The following APBB1 variants were observed in gnomAD, a reference collection of about 807,000 sequenced individuals.
APBB1 encodes amyloid beta precursor protein binding family B member 1, also known as adaptor protein FE65a2.
Under a neutral mutation model 78.4 loss-of-function variants are expected in APBB1, and 22 were observed. The observed-to-expected ratio is 0.28, with a 90% confidence interval of 0.20 to 0.40. APBB1 has a LOEUF of 0.40. Ranked by LOEUF, APBB1 falls within the 10% of genes least tolerant of loss-of-function variation. The pLI, the probability that APBB1 is intolerant of heterozygous loss-of-function variation, is 1.00. For synonymous variants in APBB1, 369 were observed against 372.7 expected (o/e 0.99, Z 0.12); for missense variants, 749 against 932.4 (o/e 0.80, Z 2.56).
intron 1 of APBB1, among the ~76,000 whole-genome samples, chr11:6,412,926 C>T (rs1427504947): frequency 1.3e-5 from 2 of 152,112 alleles, no homozygotes; most frequent in Non-Finnish European, 2.9e-5. Flanking sequence ...ACCCCTCCCT[C>T]TGCCTCCTCA....
chr11:6,412,783 G>A (rs1468261044), intron 1 of APBB1, among the ~76,000 whole-genome samples: 1 of 152,054 alleles, frequency 6.6e-6, no homozygotes, highest in Non-Finnish European at 1.5e-5. Flanking sequence ...TCCAGGCTTC[G>A]CTTTGGCATC....
intron 1 of APBB1, among the ~76,000 whole-genome samples, chr11:6,417,110 T>C (rs1849139067): frequency 6.6e-6 from 1 of 152,232 alleles, no homozygotes; most frequent in Non-Finnish European, 1.5e-5. Flanking sequence ...TCCTCCTCCC[T>C]GCCCCTGGCT....
chr11:6,414,227 A>T (rs962825144), intron 1 of APBB1, among the ~76,000 whole-genome samples: 1 of 152,256 alleles, frequency 6.6e-6, no homozygotes, highest in Admixed American at 6.5e-5. Context: ...GTCTTTGTTT[A>T]TACTGCTCCC....
In APBB1 at chr11:6,411,190, G is replaced by A. The variant is rs1848955998; in HGVS notation, c.158C>T (p.Ala53Val). 1 of 1,607,718 alleles carries A rather than the reference G, an allele frequency of 6.2e-7. No homozygotes were observed. Among genetic ancestry groups the A allele is most frequent in the African/African-American group, 1.3e-5 (1 of 74,916 alleles). ...CTCAGGCCCACCACCCTCCCCCATGGCGCTGCGCAGGTCCTTGGGTCCCAC... is the reference window on the plus strand; with the variant it reads ...CTCAGGCCCACCACCCTCCCCCATGACGCTGCGCAGGTCCTTGGGTCCCAC... ...TAVGPKDLRS[A>V]MGEGGGPEPG... Residue 53 changes from alanine (A) to valine (V), a missense_variant, in exon 2 of 15, where the codon GCC becomes GTC. Ala to Val is a moderately conservative substitution (Grantham distance 64). Transcript: ENST00000609360. The surrounding 1 kb of genome is among the most constrained non-coding windows in gnomAD (Gnocchi z 5.2).
chr11:6,416,903 G>T (rs1296265203), intron 1 of APBB1, among the ~76,000 whole-genome samples: 1 of 152,052 alleles, frequency 6.6e-6, no homozygotes, highest in African/African-American at 2.4e-5. Flanking sequence ...CACCATGCCC[G>T]GCTAATTTTT....
chr11:6,402,231 C>A, intron 7 of APBB1, 22 bp from the exon 8 acceptor site: 1 of 1,611,368 alleles, frequency 6.2e-7, no homozygotes, highest in South Asian at 1.1e-5. Flanking sequence ...GAAGCAGGCA[C>A]TCAGTGGGAC....
Position 6,419,094 on chromosome 11 carries a change from C to A in APBB1, c.-124G>T, listed in dbSNP as rs1849195186. On this transcript the variant is annotated 5_prime_UTR_variant, in exon 1 of 15. Transcript: ENST00000609360. ...ATCCCCCGCCCAGGAGCGCGCGGGC[C>A]GCGGGGCCGCGCCCCGAGCGGCGGA... is the stretch of plus-strand genomic sequence containing the variant. The A allele has an allele frequency of 2.6e-6, 1 of 382,366 alleles. No individual in the cohort carries two copies. The highest frequency in any genetic ancestry group is 4.6e-6 in the Non-Finnish European group (1 of 215,672). The allele number at this position is 382,366 out of a possible 1,614,324, so 23.7% of individuals were successfully genotyped here. A position where few individuals can be genotyped will look rare whatever the true frequency, so the allele number is the denominator to read the frequency against.
At position 6,411,001 on chromosome 11, in the gene APBB1, A is replaced by T; in HGVS notation, c.347T>A (p.Leu116Gln). ...AGCTGAGAGCTCCAGCTCAGAGTAC[A>T]GGTGTATCAGGCCTTTGGGGCCCAA... ...APLGPKGLIH[L>Q]YSELELSAHN... is the part of the protein sequence containing the mutation. Residue 116 changes from leucine to glutamine, a missense_variant, in exon 2 of 15, where the codon CTG becomes CAG. Around this residue, in one of 3 missense-constraint regions of APBB1, gnomAD observed 635 missense variants for 765.0 expected, o/e 0.83. Transcript: ENST00000609360. The surrounding 1 kb of genome is among the most constrained non-coding windows in gnomAD (Gnocchi z 5.2). 1 of 1,614,104 alleles carries T rather than the reference A, an allele frequency of 6.2e-7. No homozygotes were observed. The highest frequency in any genetic ancestry group is 2.2e-5 in the East Asian group (1 of 44,870).
chr11:6,404,665 A>G, intron 2 of APBB1: 1 of 1,536,268 alleles, frequency 6.5e-7, no homozygotes, highest in Non-Finnish European at 8.7e-7. Flanking sequence ...CCAACCCTGT[A>G]ACCCGCTCAT....
At chr11:6,413,577 T>A (rs1253031864) in intron 1 of APBB1, among the ~76,000 whole-genome samples, 1 of 151,860 alleles carries the variant, frequency 6.6e-6, no homozygotes, top group Non-Finnish European at 1.5e-5. Context: ...TGCAGCCTCC[T>A]GAGTAGCTGG....
chr11:6,401,875 T>C lies in APBB1; in HGVS notation c.1388+102A>G. 2.0e-6 allele frequency: 3 copies of C among 1,497,404 alleles called. No individual in the cohort carries two copies. Among genetic ancestry groups the C allele is most frequent in the Admixed American group, 3.7e-5 (2 of 53,506 alleles). 92.8% of individuals were successfully genotyped at this position (1,497,404 alleles called of 1,614,324 possible). On this transcript the variant is annotated intron_variant, in intron 9 of 14. Transcript: ENST00000609360. The surrounding 1 kb of genome is among the most constrained non-coding windows in gnomAD (Gnocchi z 4.5). ...GCAAGCATGCTGAGGTGGAGGGTAATGGTGGAGCATAGCGGGTGGGAAGGG... is the reference window on the plus strand; with the variant it reads ...GCAAGCATGCTGAGGTGGAGGGTAACGGTGGAGCATAGCGGGTGGGAAGGG...
rs192245319 is a variant in APBB1 at position 6,400,837 on chromosome 11, G to C, written c.1672+152C>G. ...TAGGCAGGACAGGAAATAGAGCTAG[G>C]ACAGAAGTATGGGGAGGTGGGATGC... On this transcript the variant is annotated intron_variant, in intron 12 of 14. Coordinates refer to ENST00000609360, the MANE Select transcript of APBB1 (RefSeq NM_001164.5). 4.0e-5 allele frequency: 31 copies of C among 771,884 alleles called. No individual in the cohort carries two copies. In the East Asian group the frequency reaches 7.3e-4, roughly 18 times the overall value. 47.8% of individuals were successfully genotyped at this position (771,884 alleles called of 1,614,324 possible). A position where few individuals can be genotyped will look rare whatever the true frequency, so the allele number is the denominator to read the frequency against.
In APBB1 at chr11:6,411,841, A is replaced by G. The variant is rs1262646752; in HGVS notation, c.-14-480T>C. On this transcript the variant is annotated intron_variant, in intron 1 of 14. Transcript: ENST00000609360. This position sits in a 1 kb window ranked among gnomAD's most constrained non-coding sequence, Gnocchi z 5.2. ...CCTCCGGCTGTGTTCCTATTCCCAT[A>G]AATCACTCAGCTCAACCAGCCCCCA... Among the ~76,000 whole-genome samples, 2 of 152,016 alleles carry G rather than the reference A, an allele frequency of 1.3e-5. No individual in the cohort carries two copies. The highest frequency in any genetic ancestry group is 2.9e-5 in the Non-Finnish European group (2 of 67,984).
intron 12 of APBB1, among the ~76,000 whole-genome samples, chr11:6,398,517 G>C (rs190638997): frequency 4.6e-5 from 7 of 152,312 alleles, no homozygotes; most frequent in Admixed American, 2.0e-4. Context: ...TGTCCAAGCG[G>C]AGCAGTCAAG....
At position 6,395,540 on chromosome 11, in the gene APBB1, G is replaced by A; in HGVS notation, c.2127C>T (p.Thr709=). ...SLKPKRLGAH[T]P ...AGGGAAGGTGGGGGCTTCTTCATGG[G>A]GTATGGGCCCCCAGCCGTTTGGGCT... The change falls in exon 15 of 15, where the codon ACC becomes ACT. Residue 709 remains threonine (T), a synonymous_variant. Transcript: ENST00000609360. The surrounding 1 kb of genome is among the most constrained non-coding windows in gnomAD (Gnocchi z 5.2). The A allele has an allele frequency of 6.4e-7, 1 of 1,556,958 alleles. No individual in the cohort carries two copies.
At chr11:6,413,066 G>A (rs1024611167) in intron 1 of APBB1, among the ~76,000 whole-genome samples, 1 of 151,718 alleles carries the variant, frequency 6.6e-6, no homozygotes, top group African/African-American at 2.4e-5. Context: ...TTGCTCTGCT[G>A]CTCTCCTTCC....
chr11:6,413,888 T>C (rs748159222), intron 1 of APBB1, among the ~76,000 whole-genome samples: 3 of 152,220 alleles, frequency 2.0e-5, no homozygotes, highest in Non-Finnish European at 4.4e-5. Flanking sequence ...GCTGTTGATC[T>C]GCTCAGTGTG....
chr11:6,405,035 G>T lies in APBB1; in HGVS notation c.722-1213C>A, dbSNP rs917462146. 5.4e-5 allele frequency: 76 copies of T among 1,418,314 alleles called. 1 individual carries two copies. The highest frequency in any genetic ancestry group is 6.2e-5 in the Non-Finnish European group (67 of 1,088,152). 87.9% of individuals were successfully genotyped at this position (1,418,314 alleles called of 1,614,324 possible). A position where few individuals can be genotyped will look rare whatever the true frequency, so the allele number is the denominator to read the frequency against. On this transcript the variant is annotated intron_variant, in intron 2 of 14. Transcript: ENST00000609360. ...GGTGGGGAAGGGAGGAGAAAGGGAG[G>T]TTCATGAGACCCCAGCCCCTTCTGC...
intron 12 of APBB1, among the ~76,000 whole-genome samples, chr11:6,397,061 T>C (rs1848269178): frequency 6.6e-6 from 1 of 152,222 alleles, no homozygotes; most frequent in South Asian, 2.1e-4. Flanking sequence ...CACTTTTGCT[T>C]GCACTCAGCA....
Sources: gnomAD v4.1 joint callset for allele counts (sites outside exome capture counted in the v4.1 genomes callset) on GRCh38, gnomAD v4.1.1 for gene constraint, gnomAD v4.1.1 regional missense constraint, Gnocchi (gnomAD v3.1) non-coding constraint, MANE v1.5 for transcripts, NCBI Gene and HGNC (gene_info 2026-07-23, HGNC 2026-07-21) for gene names.